JAG2: variants seen among roughly 807,000 people sequenced by gnomAD.
The protein encoded by JAG2 is jagged canonical Notch ligand 2.
A neutral mutation model predicts 141.7 loss-of-function variants in JAG2; 46 were observed. The observed-to-expected ratio is 0.32, with a 90% CI of 0.26 to 0.42. The LOEUF (loss-of-function observed/expected upper bound fraction) is 0.42, where lower values mean the gene tolerates loss of function less well. Among genes scored for constraint, JAG2 ranks in the 10% least tolerant of loss-of-function variants. The pLI is 1.00. For synonymous variants in JAG2, 862 were observed against 763.5 expected (o/e 1.13, Z -2.13); for missense variants, 1,500 against 1,817.5 (o/e 0.83, Z 3.18).
intron 17 of JAG2, 38 bp from the exon 18 acceptor site, chr14:105,147,926 C>T: frequency 2.0e-6 from 3 of 1,484,466 alleles, no homozygotes; most frequent in Non-Finnish European, 1.8e-6. Flanking sequence ...TCTCACCTGG[C>T]CCTGGGCTGG....
chr14:105,158,725 T>C (rs991601265), intron 2 of JAG2, among the ~76,000 whole-genome samples: 1 of 152,000 alleles, frequency 6.6e-6, no homozygotes, highest in African/African-American at 2.4e-5. Context: ...TCTTGACCCC[T>C]GAGCCCAGCC....
In JAG2 at chr14:105,167,607, G is replaced by C. The variant is rs1359253280; in HGVS notation, c.417+150C>G. 1.1e-6 allele frequency: 1 copy of C among 919,618 alleles called. No homozygotes were observed. The highest frequency in any genetic ancestry group is 1.4e-6 in the Non-Finnish European group (1 of 737,164). 57.0% of individuals were successfully genotyped at this position (919,618 alleles called of 1,614,324 possible). On this transcript the variant is annotated intron_variant, in intron 2 of 25. Coordinates refer to ENST00000331782, the MANE Select transcript of JAG2 (RefSeq NM_002226.5). The surrounding 1 kb of genome is among the most constrained non-coding windows in gnomAD (Gnocchi z 4.8). ...TGGCCAGGCGCGGACCAAGTCCCCAGAGCACGCGCCCCCTGCCGGCCCCGC... is the reference window on the plus strand; with the variant it reads ...TGGCCAGGCGCGGACCAAGTCCCCACAGCACGCGCCCCCTGCCGGCCCCGC...
At position 105,152,193 on chromosome 14, in the gene JAG2, T is replaced by A. The variant is rs760763117; in HGVS notation, c.887A>T (p.Glu296Val). The change falls in exon 6 of 26, where the codon GAG becomes GTG. Residue 296 changes from glutamate to valine, a missense_variant. Physicochemically the swap from Glu to Val is moderately radical, Grantham distance 121. This residue lies in a region of JAG2 where 875 missense variants were observed against 1,202.2 expected (regional missense o/e 0.73). Coordinates refer to ENST00000331782, the MANE Select transcript of JAG2 (RefSeq NM_002226.5). ...ACAGAGCAGGCCGCCCCAGTTGGTC[T>A]CACAGTTGCACTGCCAGGGCTCCAC... ...SCVEPWQCNCETNWGGLLCDK... is the reference protein window; with the variant it reads ...SCVEPWQCNCVTNWGGLLCDK... 1 of 1,613,752 alleles carries A rather than the reference T, an allele frequency of 6.2e-7. No individual in the cohort carries two copies. The highest frequency in any genetic ancestry group is 1.1e-5 in the South Asian group (1 of 91,084).
chr14:105,158,554 C>T (rs991157544), intron 2 of JAG2, among the ~76,000 whole-genome samples: 1 of 152,156 alleles, frequency 6.6e-6, no homozygotes, highest in African/African-American at 2.4e-5. Context: ...GGCTGGCCCC[C>T]TGCTCCGCCT....
chr14:105,147,772 T>C lies in JAG2; in HGVS notation c.2365A>G (p.Asn789Asp). Residue 789 changes from asparagine to aspartate, a missense_variant and splice_region_variant, in exon 18 of 26, where the codon AAT becomes GAT. Asn to Asp is a conservative substitution (Grantham distance 23). This residue lies in a region of JAG2 where 875 missense variants were observed against 1,202.2 expected (regional missense o/e 0.73). Transcript: ENST00000331782. ...DGWEGRTCTH[N>D]TNDCNPLPCY... ...CCGCCCACACCCCTCCCACACTCACTGTGAGTGCAAGTACGACCCTCCCAG... is the reference window on the plus strand; with the variant it reads ...CCGCCCACACCCCTCCCACACTCACCGTGAGTGCAAGTACGACCCTCCCAG... 1 of 1,459,182 alleles carries C rather than the reference T, an allele frequency of 6.9e-7. No individual in the cohort carries two copies. The highest frequency in any genetic ancestry group is 9.4e-7 in the Non-Finnish European group (1 of 1,066,450). The allele number at this position is 1,459,182 out of a possible 1,614,324, so 90.4% of individuals were successfully genotyped here.
intron 8 of JAG2, 72 bp downstream of exon 8, chr14:105,151,554 C>T (rs2293806): frequency 0.12 from 161,559 of 1,384,164 alleles, 10,906 homozygotes; most frequent in South Asian, 0.23. Flanking sequence ...ACCCCATCCC[C>T]AGCGAGTTGC....
At chr14:105,149,682 G>C (rs914392899) in intron 12 of JAG2, among the ~76,000 whole-genome samples, 2 of 149,952 alleles carry the variant, frequency 1.3e-5, no homozygotes, top group Admixed American at 1.3e-4. Flanking sequence ...GCCAGCCACT[G>C]CCATGCTTGC....
Position 105,143,631 on chromosome 14 carries a change from C to A in JAG2, c.3092G>T (p.Ser1031Ile), listed in dbSNP as rs757320473. The A allele has an allele frequency of 1.6e-5, 25 of 1,607,290 alleles. No homozygotes were observed. The East Asian group carries it at 3.6e-4, about 23-fold the overall frequency. Reference protein sequence around the residue: ...ASAVEVAVSFSPARDLPDSSL... With the variant: ...ASAVEVAVSFIPARDLPDSSL... ...GCTGTCAGGCAGGTCCCTGGCAGGG[C>A]TGAAGGACTGCGGCAAAGAACGGCA... The change falls in exon 25 of 26, where the codon AGC becomes ATC. Residue 1031 changes from serine (S) to isoleucine (I), a missense_variant. This residue lies in a region of JAG2 where 425 missense variants were observed against 441.0 expected (regional missense o/e 0.96). Coordinates refer to ENST00000331782, the MANE Select transcript of JAG2 (RefSeq NM_002226.5).
At chr14:105,164,374 CGATGCCCACCCAACACAGGAACCCA>C (rs1425271349) in intron 2 of JAG2, among the ~76,000 whole-genome samples, 2 of 152,198 alleles carry the variant, frequency 1.3e-5, no homozygotes, top group Non-Finnish European at 2.9e-5. Flanking sequence ...AGGAACAGAC[CGATGCCCACCCAACACAGGAACCCA>C]GATGCCCACA....
intron 2 of JAG2, among the ~76,000 whole-genome samples, chr14:105,159,489 C>A (rs1281477322): frequency 2.0e-5 from 3 of 151,902 alleles, no homozygotes; most frequent in African/African-American, 7.3e-5. Flanking sequence ...GTCACCAGGG[C>A]CCGCAAACCT....
chr14:105,147,467 C>T, intron 19 of JAG2, 33 bp downstream of exon 19: 14 of 1,609,468 alleles, frequency 8.7e-6, no homozygotes, highest in Non-Finnish European at 1.2e-5. Context: ...AAGTCCCACC[C>T]ACCCCTGCTG....
intron 12 of JAG2, among the ~76,000 whole-genome samples, chr14:105,150,390 CACA>C (rs1331962900): frequency 4.6e-5 from 7 of 152,262 alleles, no homozygotes; most frequent in South Asian, 4.1e-4. Context: ...GGAAACCCAT[CACA>C]ACAAGCAATG....
At chr14:105,146,157 C>T (rs1294996170) in intron 22 of JAG2, among the ~76,000 whole-genome samples, 184 bp from the exon 23 acceptor site, 1 of 152,182 alleles carries the variant, frequency 6.6e-6, no homozygotes, top group South Asian at 2.1e-4. Flanking sequence ...CCAAGCTCGA[C>T]ATCAGAAAGG....
chr14:105,157,595 A>G (rs1256873493), intron 3 of JAG2, 111 bp downstream of exon 3: 2 of 1,073,666 alleles, frequency 1.9e-6, no homozygotes, highest in Non-Finnish European at 2.8e-6. Context: ...AACAGCACAC[A>G]TGATCCTCAG....
Position 105,141,259 on chromosome 14 carries a change from G to A in JAG2, c.*1436C>T, listed in dbSNP as rs1205933554. The A allele has an allele frequency of 1.3e-5, 2 of 152,082 alleles. No homozygotes were observed. Among genetic ancestry groups the A allele is most frequent in the Non-Finnish European group, 1.5e-5 (1 of 68,028 alleles). The allele number at this position is 152,082 out of a possible 1,614,324, so 9.4% of individuals were successfully genotyped here. A position where few individuals can be genotyped will look rare whatever the true frequency, so the allele number is the denominator to read the frequency against. On this transcript the variant is annotated 3_prime_UTR_variant, in exon 26 of 26. Coordinates refer to ENST00000331782, the MANE Select transcript of JAG2 (RefSeq NM_002226.5). The stretch of plus-strand genomic sequence containing the variant: ...GTTCCAGTTGGCTCAAGCAGTGAGG[G>A]GCAAAACCAGCTCCAGGGCCAGGTG...
chr14:105,153,078 AGGCCCTGCCGGGACTCCCGGGG>A (rs1359535615), intron 5 of JAG2, among the ~76,000 whole-genome samples: 1 of 152,064 alleles, frequency 6.6e-6, no homozygotes, highest in Non-Finnish European at 1.5e-5. Context: ...GCTGCCATCC[AGGCCCTGCCGGGACTCCCGGGG>A]GGCCCTTCCT....
chr14:105,164,311 G>A (rs1049527819), intron 2 of JAG2, among the ~76,000 whole-genome samples: 2 of 152,182 alleles, frequency 1.3e-5, no homozygotes, highest in African/African-American at 2.4e-5. Flanking sequence ...AATGTACAAG[G>A]CGGACATGCC....
In JAG2 at chr14:105,155,748, C is replaced by G; in HGVS notation, c.717G>C (p.Glu239Asp). The change falls in exon 4 of 26, where the codon GAG becomes GAC. Residue 239 changes from glutamate to aspartate, a missense_variant. By Grantham distance (45) the Glu-to-Asp change is conservative. Around this residue, in one of 3 missense-constraint regions of JAG2, gnomAD observed 875 missense variants for 1,202.2 expected, o/e 0.73. Coordinates refer to ENST00000331782, the MANE Select transcript of JAG2 (RefSeq NM_002226.5). ...CAGCGGCCCCCTCACCTTCCTTGCA[C>G]TCCTTGCCCATCCAGCCGTCCATGC... ...KACMDGWMGK[E>D]CKEAVCKQGC... The G allele has an allele frequency of 6.2e-7, 1 of 1,612,792 alleles. No homozygotes were observed.
intron 18 of JAG2, 60 bp from the exon 19 acceptor site, chr14:105,147,587 T>C (rs1480530729): frequency 9.1e-6 from 14 of 1,533,920 alleles, no homozygotes; most frequent in Non-Finnish European, 1.3e-5. Context: ...TGCCAGGCAC[T>C]GTCCAGGCTG....
Sources: allele counts gnomAD v4.1 joint callset (sites outside exome capture counted in the v4.1 genomes callset), GRCh38; gene constraint gnomAD v4.1.1; regional missense constraint gnomAD v4.1.1; non-coding constraint Gnocchi (gnomAD v3.1); transcripts MANE v1.5; gene names NCBI Gene and HGNC (gene_info 2026-07-23, HGNC 2026-07-21).